The following CKAP5 variants were observed in gnomAD, a reference collection of about 807,000 sequenced individuals.
CKAP5 encodes the protein cytoskeleton-associated protein 5.
A neutral mutation model predicts 232.8 loss-of-function variants in CKAP5; 27 were observed. The observed-to-expected ratio is 0.12, with a 90% CI of 0.09 to 0.16. The LOEUF (loss-of-function observed/expected upper bound fraction) is 0.16, where lower values mean the gene tolerates loss of function less well. Ranked by LOEUF, CKAP5 falls within the 10% of genes least tolerant of loss-of-function variation. The probability of loss-of-function intolerance (pLI) is 1.00; values close to 1 mark genes in which losing one functional copy is unlikely to be tolerated. For synonymous variants in CKAP5, 785 were observed against 841.1 expected (o/e 0.93, Z 1.16); for missense variants, 1,838 against 2,424.7 (o/e 0.76, Z 5.08).
intron 25 of CKAP5, 35 bp from the exon 26 acceptor site, chr11:46,770,133 C>T: frequency 6.2e-7 from 1 of 1,603,176 alleles, no homozygotes; most frequent in Non-Finnish European, 8.5e-7. Context: ...AGTGAGAGGT[C>T]ACATAAATGA....
intron 3 of CKAP5, among the ~76,000 whole-genome samples, chr11:46,817,450 C>T (rs1363801121): frequency 2.0e-5 from 3 of 152,050 alleles, no homozygotes; most frequent in Middle Eastern, 3.2e-3. Flanking sequence ...CCTACACTAC[C>T]GGGAATCAGA....
chr11:46,840,358 C>T (rs748169216), intron 1 of CKAP5, among the ~76,000 whole-genome samples: 12 of 151,990 alleles, frequency 7.9e-5, no homozygotes, highest in Non-Finnish European at 1.6e-4. Context: ...CAGTGTATTC[C>T]CTGAATCTAG....
At chr11:46,784,189 C>T (rs1312756783) in intron 17 of CKAP5, among the ~76,000 whole-genome samples, 2 of 151,628 alleles carry the variant, frequency 1.3e-5, no homozygotes, top group South Asian at 2.1e-4. Flanking sequence ...GCCAACGTGG[C>T]GAAATCCTGT....
At chr11:46,767,708 T>C (rs757101651) in intron 26 of CKAP5, 45 bp from the exon 27 acceptor site, 34 of 1,211,034 alleles carry the variant, frequency 2.8e-5, no homozygotes, top group Non-Finnish European at 3.8e-5. Context: ...TTAACTAATA[T>C]CATTTTATTT....
chr11:46,787,832 G>C (rs9735937), intron 16 of CKAP5, among the ~76,000 whole-genome samples: 2 of 151,950 alleles, frequency 1.3e-5, no homozygotes, highest in Admixed American at 1.3e-4. Context: ...TTTGAACTGC[G>C]AAGATCCACT....
chr11:46,759,718 T>C (rs2065140072), intron 33 of CKAP5, among the ~76,000 whole-genome samples: 1 of 152,248 alleles, frequency 6.6e-6, no homozygotes, highest in Non-Finnish European at 1.5e-5. Flanking sequence ...CAACAAACCT[T>C]GTATTTCTAT....
intron 1 of CKAP5, among the ~76,000 whole-genome samples, chr11:46,828,394 A>G (rs1029506666): frequency 6.6e-6 from 1 of 152,224 alleles, no homozygotes; most frequent in Non-Finnish European, 1.5e-5. Flanking sequence ...TTAGGTAATT[A>G]AGACCTTCAT....
intron 1 of CKAP5, among the ~76,000 whole-genome samples, chr11:46,825,609 G>C (rs1042763550): frequency 1.3e-5 from 2 of 152,104 alleles, no homozygotes; most frequent in African/African-American, 2.4e-5. Flanking sequence ...ATCTGAATTT[G>C]ATTACCATTC....
At chr11:46,783,036 G>T (rs1385806011) in intron 18 of CKAP5, among the ~76,000 whole-genome samples, 1 of 152,078 alleles carries the variant, frequency 6.6e-6, no homozygotes, top group Non-Finnish European at 1.5e-5. Flanking sequence ...ATTTTCTGTG[G>T]GACAGCTATT....
Position 46,801,310 on chromosome 11 carries a change from A to G in CKAP5, c.979-6T>C. On this transcript the variant is annotated splice_region_variant and splice_polypyrimidine_tract_variant and intron_variant, in intron 8 of 43. Transcript: ENST00000529230. ...TTGGTGTCCTTTCCAACAACCTACA[A>G]AGGGGGGTAAAAAGGAAAACAAAAT... 1.9e-6 allele frequency: 3 copies of G among 1,599,854 alleles called. No homozygotes were observed. Among genetic ancestry groups the G allele is most frequent in the Non-Finnish European group, 2.6e-6 (3 of 1,167,414 alleles).
At chr11:46,844,933 C>G (rs1007924788) in intron 1 of CKAP5, among the ~76,000 whole-genome samples, 5 of 152,170 alleles carry the variant, frequency 3.3e-5, no homozygotes, top group Admixed American at 6.5e-5. Context: ...GGATTACAGG[C>G]GTCAGCCACC....
chr11:46,790,220 T>C (rs777508385), intron 14 of CKAP5, 34 bp from the exon 15 acceptor site: 2 of 1,431,322 alleles, frequency 1.4e-6, no homozygotes, highest in African/African-American at 1.4e-5. Context: ...GAATTAGGAA[T>C]TGCTTAAGGG....
chr11:46,821,421 CTTTTT>C (rs369366613), intron 1 of CKAP5, among the ~76,000 whole-genome samples, 153 bp from the exon 2 acceptor site: 1 of 105,200 alleles, frequency 9.5e-6, no homozygotes, highest in Non-Finnish European at 1.8e-5. Context: ...ATTAACAGGA[CTTTTT>C]TTTTTTTTTT....
chr11:46,826,989 A>C (rs1259750006), intron 1 of CKAP5: 2 of 152,692 alleles, frequency 1.3e-5, no homozygotes, highest in Non-Finnish European at 2.9e-5. Context: ...ATCTTCGCCC[A>C]GAGGTTTGCA....
intron 6 of CKAP5, 54 bp from the exon 7 acceptor site, chr11:46,809,554 A>C (rs1419321874): frequency 7.0e-7 from 1 of 1,422,718 alleles, no homozygotes; most frequent in Non-Finnish European, 9.9e-7. Context: ...TGTTTTACTT[A>C]TCAGTTATCA....
intron 35 of CKAP5, among the ~76,000 whole-genome samples, chr11:46,757,899 T>C (rs1045301024): frequency 2.7e-5 from 4 of 150,566 alleles, no homozygotes; most frequent in African/African-American, 9.8e-5. Flanking sequence ...TTTTTTTTTT[T>C]TTTTTTGAGA....
chr11:46,752,175 TATATATATATATATATATACACAC>T (rs1185698780), intron 38 of CKAP5, among the ~76,000 whole-genome samples: 6 of 39,570 alleles, frequency 1.5e-4, no homozygotes, highest in African/African-American at 6.6e-4. Flanking sequence ...TATATATATA[TATATATATATATATATATACACAC>T]ACACACACAC....
chr11:46,826,535 G>A (rs1939655720), intron 1 of CKAP5, among the ~76,000 whole-genome samples: 1 of 152,192 alleles, frequency 6.6e-6, no homozygotes, highest in Non-Finnish European at 1.5e-5. Context: ...GCAAAGCCAG[G>A]TCGTGGGCAC....
Position 46,821,421 on chromosome 11 carries a change from CTTTTTTTTTTTT to C in CKAP5, c.-37-165_-37-154del, listed in dbSNP as rs369366613. ...TCCCCACTTAATTCAATTAACAGGA[CTTTTTTTTTTTT>C]TTTTTTTTTGAGACGGAGTCTCGCT... On this transcript the variant is annotated intron_variant, in intron 1 of 43. Coordinates refer to ENST00000529230, the MANE Select transcript of CKAP5 (RefSeq NM_001008938.4). Among the ~76,000 whole-genome samples the C allele has an allele frequency of 3.8e-5, 4 of 105,200 alleles. 1 individual carries two copies. Among genetic ancestry groups the C allele is most frequent in the Non-Finnish European group, 3.5e-5 (2 of 56,862 alleles). The allele number at this position is 105,200 out of a possible 152,430, so 69.0% of individuals were successfully genotyped here.
Sources: allele counts gnomAD v4.1 joint callset (sites outside exome capture counted in the v4.1 genomes callset), GRCh38; gene constraint gnomAD v4.1.1; transcripts MANE v1.5; gene names NCBI Gene and HGNC (gene_info 2026-07-23, HGNC 2026-07-21).